The following TRPM1 variants were observed in gnomAD, a reference collection of about 807,000 sequenced individuals.
TRPM1 encodes the protein TRPM1-203 APA Isoform, Intron 10.
TRPM1 carries 113 observed loss-of-function variants against 149.4 expected under a neutral mutation model. The ratio of observed to expected loss-of-function variants is 0.76; its 90% confidence interval spans 0.65 to 0.88. TRPM1 has a LOEUF of 0.88. Among genes scored for constraint, TRPM1 ranks in the 40% least tolerant of loss-of-function variants. The pLI, the probability that TRPM1 is intolerant of heterozygous loss-of-function variation, is 0.00. For missense variants in TRPM1, 1,976 were observed against 2,038.7 expected, an observed-to-expected ratio of 0.97 and a Z score of 0.59; for synonymous variants, 741 against 759.5, an observed-to-expected ratio of 0.98 and a Z score of 0.40.
chr15:31,147,776 T>C (rs974844621), intron 1 of TRPM1, among the ~76,000 whole-genome samples: 2 of 152,132 alleles, frequency 1.3e-5, no homozygotes, highest in Non-Finnish European at 2.9e-5. Flanking sequence ...AATAGACTGA[T>C]GTGGAAAAAA....
chr15:31,045,817 T>C (rs139134860), intron 16 of TRPM1, among the ~76,000 whole-genome samples: 2 of 152,368 alleles, frequency 1.3e-5, no homozygotes, highest in Admixed American at 1.3e-4. Flanking sequence ...TGATGCAATA[T>C]ATTAAAGACT....
chr15:31,041,806 C>T, intron 17 of TRPM1, 145 bp downstream of exon 17: 1 of 898,542 alleles, frequency 1.1e-6, no homozygotes, highest in Non-Finnish European at 1.7e-6. Context: ...AAGAAAAATG[C>T]TGACATGACA....
chr15:31,108,651 G>A (rs11635797), intron 1 of TRPM1, among the ~76,000 whole-genome samples: 21,857 of 152,120 alleles, frequency 0.14, 1,867 homozygotes, highest in Non-Finnish European at 0.18. Context: ...GTGCCACCAT[G>A]CTCAGCTAAT....
intron 27 of TRPM1, among the ~76,000 whole-genome samples, chr15:31,007,822 T>A (rs1031606238): frequency 1.3e-5 from 2 of 152,228 alleles, no homozygotes; most frequent in African/African-American, 2.4e-5. Flanking sequence ...ATATGGTATA[T>A]CCTCCCATTT....
At chr15:31,041,778 A>G (rs1364794348) in intron 17 of TRPM1, among the ~76,000 whole-genome samples, 173 bp downstream of exon 17, 1 of 152,230 alleles carries the variant, frequency 6.6e-6, no homozygotes, top group Admixed American at 6.5e-5. Flanking sequence ...CAGTCCAAAA[A>G]CACCTCTGAG....
At chr15:31,063,731 G>T (rs768403268) in intron 7 of TRPM1, among the ~76,000 whole-genome samples, 6 of 152,144 alleles carry the variant, frequency 3.9e-5, no homozygotes, top group Non-Finnish European at 8.8e-5. Context: ...AGGATTACAG[G>T]TGTAAGCCAC....
intron 1 of TRPM1, among the ~76,000 whole-genome samples, chr15:31,135,236 C>A (rs1465535014): frequency 6.6e-6 from 1 of 152,116 alleles, no homozygotes; most frequent in African/African-American, 2.4e-5. Context: ...TGTATCCATA[C>A]ACATTACTAC....
At chr15:31,070,386 T>C (rs2034507133) in intron 3 of TRPM1, 160 bp from the exon 4 acceptor site, 3 of 744,600 alleles carry the variant, frequency 4.0e-6, no homozygotes, top group African/African-American at 1.7e-5. Context: ...CCCCATCTGA[T>C]GGCCTTTTCC....
At chr15:31,013,925 T>C (rs2032270871) in intron 27 of TRPM1, among the ~76,000 whole-genome samples, 1 of 152,196 alleles carries the variant, frequency 6.6e-6, no homozygotes, top group Non-Finnish European at 1.5e-5. Context: ...CTTCTAGTCT[T>C]TTCTGAGAAG....
intron 16 of TRPM1, among the ~76,000 whole-genome samples, chr15:31,045,903 T>C (rs954739325): frequency 2.0e-5 from 3 of 152,164 alleles, no homozygotes; most frequent in Non-Finnish European, 4.4e-5. Flanking sequence ...TTGAATTCTT[T>C]TTGGTGTTAT....
intron 25 of TRPM1, among the ~76,000 whole-genome samples, chr15:31,027,687 A>G (rs999070931): frequency 6.6e-6 from 1 of 152,236 alleles, no homozygotes; most frequent in African/African-American, 2.4e-5. Context: ...CTCTCAAGCC[A>G]GAAGTTTGGA....
intron 3 of TRPM1, among the ~76,000 whole-genome samples, chr15:31,072,502 G>A (rs140187578): frequency 3.4e-4 from 51 of 152,218 alleles, no homozygotes; most frequent in African/African-American, 1.2e-3. Flanking sequence ...ACAAGTTTTT[G>A]AGTGGATGAA....
intron 1 of TRPM1, among the ~76,000 whole-genome samples, chr15:31,131,707 G>A (rs1476067547): frequency 6.6e-6 from 1 of 152,134 alleles, no homozygotes; most frequent in Non-Finnish European, 1.5e-5. Flanking sequence ...AGGGGTCCGG[G>A]GAGATAGTGT....
chr15:31,143,829 C>T (rs2036190004), intron 1 of TRPM1, among the ~76,000 whole-genome samples: 1 of 151,980 alleles, frequency 6.6e-6, no homozygotes, highest in South Asian at 2.1e-4. Context: ...TTTGCTTTTC[C>T]TTCTTACCTG....
chr15:31,093,342 T>C (rs2035292846), intron 1 of TRPM1, among the ~76,000 whole-genome samples: 1 of 145,482 alleles, frequency 6.9e-6, no homozygotes, highest in African/African-American at 2.6e-5. Flanking sequence ...AATAAACTAA[T>C]ATAGCAGAAG....
chr15:31,042,429 A>G, intron 16 of TRPM1, 186 bp from the exon 17 acceptor site: 2 of 665,704 alleles, frequency 3.0e-6, no homozygotes, highest in Non-Finnish European at 2.5e-6. Flanking sequence ...TGATAAGTAA[A>G]CTATCTAAAA....
At chr15:31,117,665 TACACACACACACAC>T (rs56686910) in intron 1 of TRPM1, among the ~76,000 whole-genome samples, 4 of 135,972 alleles carry the variant, frequency 2.9e-5, no homozygotes, top group African/African-American at 8.2e-5. Context: ...AAAAAAAAAA[TACACACACACACAC>T]ACACACACAC....
chr15:31,004,759 T>C (rs113422735), intron 27 of TRPM1, among the ~76,000 whole-genome samples: 20 of 152,268 alleles, frequency 1.3e-4, no homozygotes, highest in African/African-American at 4.1e-4. Flanking sequence ...AATTTTTCAC[T>C]ATTAACTTTC....
chr15:31,032,257 G>T (rs1338584011), intron 22 of TRPM1, among the ~76,000 whole-genome samples: 1 of 151,938 alleles, frequency 6.6e-6, no homozygotes. Flanking sequence ...TTATATTGCT[G>T]TCAAAATAGA....
Sources: allele counts gnomAD v4.1 joint callset (sites outside exome capture counted in the v4.1 genomes callset), GRCh38; gene constraint gnomAD v4.1.1; transcripts MANE v1.5; gene names NCBI Gene and HGNC (gene_info 2026-07-23, HGNC 2026-07-21).